Variants in BLTP1 observed in about 807,000 individuals in gnomAD.
BLTP1 encodes fragile site-associated protein.
At chr4:122,293,228 T>C in the BLTP1 span, 1 of 962,236 alleles carries the variant, frequency 1.0e-6, no homozygotes, top group Non-Finnish European at 1.2e-6. Flanking sequence ...AAAACTTGAT[T>C]GACACAAAAG....
At chr4:122,165,910 T>G in the BLTP1 span, among the ~76,000 whole-genome samples, 6 of 151,172 alleles carry the variant, frequency 4.0e-5, no homozygotes, top group Non-Finnish European at 7.4e-5. Flanking sequence ...GCCCACTTTT[T>G]GATGGGGTTG....
chr4:122,157,859 T>C, the BLTP1 span, among the ~76,000 whole-genome samples: 1 of 152,304 alleles, frequency 6.6e-6, no homozygotes, highest in South Asian at 2.1e-4. Context: ...GCTCTCTGCC[T>C]AGCAACACTC....
At chr4:122,185,378 T>C in the BLTP1 span, 4 of 985,304 alleles carry the variant, frequency 4.1e-6, no homozygotes, top group Non-Finnish European at 4.8e-6. Context: ...GCATTGATTG[T>C]GGTACCTTTC....
At chr4:122,226,294 CTG>C in the BLTP1 span, 2 of 589,406 alleles carry the variant, frequency 3.4e-6, no homozygotes, top group Admixed American at 6.3e-5. Context: ...TTTAAAAAAA[CTG>C]TAGCTCAATG....
At chr4:122,235,021 A>G in the BLTP1 span, 3 of 1,597,270 alleles carry the variant, frequency 1.9e-6, no homozygotes, top group Admixed American at 1.7e-5. Flanking sequence ...AAAATTATAG[A>G]TGGTAATAAA....
the BLTP1 span, chr4:122,242,826 A>T: frequency 5.9e-6 from 1 of 168,886 alleles, no homozygotes; most frequent in Non-Finnish European, 1.2e-5. Context: ...GAATCAACAA[A>T]GTGAAACTGC....
chr4:122,283,646 A>G, the BLTP1 span, among the ~76,000 whole-genome samples: 1 of 152,160 alleles, frequency 6.6e-6, no homozygotes, highest in Non-Finnish European at 1.5e-5. Context: ...AGCCAGGACT[A>G]TAGGCATGCA....
chr4:122,274,476 T>C, the BLTP1 span: 1 of 1,568,748 alleles, frequency 6.4e-7, no homozygotes, highest in Non-Finnish European at 8.6e-7. Context: ...CTTATAGTTT[T>C]AGACAAAAAT....
At chr4:122,329,916 C>A in the BLTP1 span, among the ~76,000 whole-genome samples, 1 of 151,784 alleles carries the variant, frequency 6.6e-6, no homozygotes, top group African/African-American at 2.4e-5. Context: ...AACCACCATT[C>A]TATTCTCTAC....
the BLTP1 span, among the ~76,000 whole-genome samples, chr4:122,275,622 C>G: frequency 6.6e-6 from 1 of 152,022 alleles, no homozygotes; most frequent in Non-Finnish European, 1.5e-5. Context: ...TTTAACCTTG[C>G]AAAACATAAT....
At chr4:122,229,549 C>A in the BLTP1 span, 1 of 226,038 alleles carries the variant, frequency 4.4e-6, no homozygotes, top group Non-Finnish European at 7.4e-6. Context: ...TTTTGAATGT[C>A]TTTAGGATTC....
the BLTP1 span, chr4:122,276,005 A>C: frequency 1.9e-6 from 3 of 1,583,976 alleles, no homozygotes; most frequent in Non-Finnish European, 8.6e-7. Context: ...CTACAAGTAC[A>C]GCCAAACAAG....
the BLTP1 span, chr4:122,349,941 A>T: frequency 1.2e-6 from 2 of 1,613,980 alleles, no homozygotes; most frequent in Non-Finnish European, 1.7e-6. The surrounding 1 kb of genome is among the most constrained non-coding windows in gnomAD (Gnocchi z 4.5). Context: ...TGATAAAAAT[A>T]GGAATGAAGC....
the BLTP1 span, among the ~76,000 whole-genome samples, chr4:122,317,898 T>C: frequency 6.6e-6 from 1 of 152,158 alleles, no homozygotes; most frequent in Non-Finnish European, 1.5e-5. Context: ...GGTCTATGGT[T>C]TTCATGAGAT....
chr4:122,292,826 G>T, the BLTP1 span, among the ~76,000 whole-genome samples: 2 of 152,088 alleles, frequency 1.3e-5, no homozygotes, highest in African/African-American at 4.8e-5. Flanking sequence ...AGGTCCTCTT[G>T]GTACCTCTGA....
chr4:122,324,585 T>TGG, the BLTP1 span: 2 of 1,451,600 alleles, frequency 1.4e-6, no homozygotes, highest in Non-Finnish European at 1.9e-6. Flanking sequence ...TGTTGACTCT[T>TGG]TTACCAAGGT....
At chr4:122,279,911 A>G in the BLTP1 span, 8 of 1,614,018 alleles carry the variant, frequency 5.0e-6, no homozygotes, top group Admixed American at 6.7e-5. Flanking sequence ...CACCTTACAT[A>G]GCATGATGGT....
At chr4:122,219,297 A>G in the BLTP1 span, 2 of 1,595,930 alleles carry the variant, frequency 1.3e-6, no homozygotes, top group African/African-American at 2.7e-5. Context: ...ATATATTTAC[A>G]TACCTCTTTT....
chr4:122,303,734 G>A, the BLTP1 span, among the ~76,000 whole-genome samples: 1 of 152,214 alleles, frequency 6.6e-6, no homozygotes, highest in Non-Finnish European at 1.5e-5. Context: ...AGAATTAAAT[G>A]TGGAGCGTGA....
Sources: gnomAD v4.1 joint callset for allele counts (sites outside exome capture counted in the v4.1 genomes callset) on GRCh38, gnomAD v4.1.1 for gene constraint, Gnocchi (gnomAD v3.1) non-coding constraint, MANE v1.5 for transcripts, NCBI Gene and HGNC (gene_info 2026-07-23, HGNC 2026-07-21) for gene names.